The following ZCCHC8 variants were observed in gnomAD, a reference collection of about 807,000 sequenced individuals.
The protein encoded by ZCCHC8 is zinc finger CCHC-type containing 8, also known as zinc finger CCHC domain-containing protein 8.
A neutral mutation model predicts 70.6 loss-of-function variants in ZCCHC8; 27 were observed. The observed-to-expected ratio is 0.38, with a 90% CI of 0.28 to 0.53. The LOEUF (loss-of-function observed/expected upper bound fraction) is 0.53. ZCCHC8 is among the 20% of genes least tolerant of loss of function. The pLI, the probability that ZCCHC8 is intolerant of heterozygous loss-of-function variation, is 0.81. For synonymous variants in ZCCHC8, 293 were observed against 317.4 expected, an observed-to-expected ratio of 0.92 and a Z score of 0.82; for missense variants, 737 against 876.9, an observed-to-expected ratio of 0.84 and a Z score of 2.01.
chr12:122,499,075 G>A, intron 1 of ZCCHC8: 1 of 581,240 alleles, frequency 1.7e-6, no homozygotes, highest in South Asian at 2.1e-5. Context: ...TTATCCTTTC[G>A]AACATATATT....
chr12:122,476,384 G>C (rs908973101), intron 13 of ZCCHC8, among the ~76,000 whole-genome samples: 3 of 151,718 alleles, frequency 2.0e-5, no homozygotes, highest in Non-Finnish European at 4.4e-5. Context: ...CTTAAACTCA[G>C]GAGTTCAATA....
chr12:122,498,274 A>G (rs1222945163), intron 2 of ZCCHC8, among the ~76,000 whole-genome samples: 1 of 149,132 alleles, frequency 6.7e-6, no homozygotes, highest in Admixed American at 6.8e-5. Flanking sequence ...AGCTGGGATT[A>G]CAGGCGCCCA....
chr12:122,500,332 A>C lies in ZCCHC8; in HGVS notation c.199+310T>G, dbSNP rs1409310235. The C allele has an allele frequency of 2.9e-6, 1 of 342,600 alleles. No individual in the cohort carries two copies. The highest frequency in any genetic ancestry group is 2.2e-5 in the African/African-American group (1 of 45,806). 21.2% of individuals were successfully genotyped at this position (342,600 alleles called of 1,614,324 possible). On this transcript the variant is annotated intron_variant, in intron 1 of 13. Transcript: ENST00000633063. This position sits in a 1 kb window ranked among gnomAD's most constrained non-coding sequence, Gnocchi z 4.8. ...GACCTCAAACAGAGGGGGGCAATTA[A>C]GGGCTTGTGTACAATCTGTCAGGTG...
chr12:122,480,293 G>A lies in ZCCHC8; in HGVS notation c.1037C>T (p.Thr346Ile). Reference sequence around the variant, plus strand: ...ATTCTGTTGTATTTCTCCAACTTCTGTTTCCCCATCAGTGCCATCTATTAC... The same window carrying A: ...ATTCTGTTGTATTTCTCCAACTTCTATTTCCCCATCAGTGCCATCTATTAC... ...YDGKDGTDGE[T>I]EVGEIQQNKS... The change falls in exon 11 of 14, where the codon ACA becomes ATA. Residue 346 changes from threonine to isoleucine, a missense_variant. Physicochemically the swap from Thr to Ile is moderately conservative, Grantham distance 89 (BLOSUM62 -1). Transcript: ENST00000633063. The A allele has an allele frequency of 6.2e-7, 1 of 1,610,304 alleles. No homozygotes were observed. Among genetic ancestry groups the A allele is most frequent in the Non-Finnish European group, 8.5e-7 (1 of 1,178,022 alleles).
In ZCCHC8 at chr12:122,489,367, C is replaced by T; in HGVS notation, c.501+19G>A. ...AAACACCTATTGGCTGAATTCAAAA[C>T]TGAAATGTCCAAACTTACACTGAAA... is the stretch of plus-strand genomic sequence containing the variant. On this transcript the variant is annotated intron_variant, in intron 5 of 13. Coordinates refer to ENST00000633063, the MANE Select transcript of ZCCHC8 (RefSeq NM_017612.5). The T allele has an allele frequency of 6.2e-7, 1 of 1,611,602 alleles. No individual in the cohort carries two copies. The highest frequency in any genetic ancestry group is 2.2e-5 in the East Asian group (1 of 44,854).
At position 122,472,060 on chromosome 12, in the gene ZCCHC8, A is replaced by T. The variant is rs565526514; in HGVS notation, c.*1437T>A. 6.6e-6 allele frequency: 1 copy of T among 152,316 alleles called. No homozygotes were observed. The highest frequency in any genetic ancestry group is 1.9e-4 in the East Asian group (1 of 5,192). The allele number at this position is 152,316 out of a possible 1,614,324, so 9.4% of individuals were successfully genotyped here. ...AGAAAATTATTTTTATACAAAGGCT[A>T]GCTGCATGCCATTCATTTTTCAAAA... On this transcript the variant is annotated 3_prime_UTR_variant, in exon 14 of 14. Coordinates refer to ENST00000633063, the MANE Select transcript of ZCCHC8 (RefSeq NM_017612.5).
In ZCCHC8 at chr12:122,478,183, GC is replaced by G. The variant is rs112672020; in HGVS notation, c.1227+22del. On this transcript the variant is annotated intron_variant, in intron 12 of 13. Coordinates refer to ENST00000633063, the MANE Select transcript of ZCCHC8 (RefSeq NM_017612.5). ...CGCAGACACAACAACATTTTATAGA[GC>G]ACACCCTTAAAATCTATTTACCGCT... The G allele has an allele frequency of 4.9e-3, 7,580 of 1,533,576 alleles. 219 individuals carry two copies. In the African/African-American group the frequency reaches 0.076, roughly 15 times the overall value. 95.0% of individuals were successfully genotyped at this position (1,533,576 alleles called of 1,614,324 possible). A position where few individuals can be genotyped will look rare whatever the true frequency, so the allele number is the denominator to read the frequency against.
Position 122,477,859 on chromosome 12 carries a change from C to G in ZCCHC8, c.1327G>C (p.Asp443His). The change falls in exon 13 of 14, where the codon GAC becomes CAC. Residue 443 changes from aspartate to histidine, a missense_variant. Transcript: ENST00000633063. Reference protein sequence around the residue: ...NESNSAGSPADMELDSDMEVP... With the variant: ...NESNSAGSPAHMELDSDMEVP... ...AACCTACCTGAATCGAGCTCCATGT[C>G]GGCGGGAGATCCCGCTGAGTTGCTT... 1 of 1,612,438 alleles carries G rather than the reference C, an allele frequency of 6.2e-7. No homozygotes were observed. Among genetic ancestry groups the G allele is most frequent in the Non-Finnish European group, 8.5e-7 (1 of 1,179,266 alleles).
Position 122,490,442 on chromosome 12 carries a change from G to C in ZCCHC8, c.423+20C>G. 6.3e-7 allele frequency: 1 copy of C among 1,578,910 alleles called. No homozygotes were observed. Among genetic ancestry groups the C allele is most frequent in the Non-Finnish European group, 8.7e-7 (1 of 1,150,974 alleles). ...AAACGCATAACTTACTAATCTTAAAGTCTCTTAAATTTGAAATACCTGGGG... is the reference window on the plus strand; with the variant it reads ...AAACGCATAACTTACTAATCTTAAACTCTCTTAAATTTGAAATACCTGGGG... On this transcript the variant is annotated intron_variant, in intron 4 of 13. Transcript: ENST00000633063.
intron 2 of ZCCHC8, among the ~76,000 whole-genome samples, chr12:122,494,358 C>A (rs1416253103): frequency 6.6e-6 from 1 of 150,954 alleles, no homozygotes; most frequent in African/African-American, 2.4e-5. Context: ...TCGAGACCAG[C>A]CTGGCCAACA....
intron 9 of ZCCHC8, 116 bp downstream of exon 9, chr12:122,481,829 T>A (rs1957541723): frequency 7.2e-7 from 1 of 1,392,408 alleles, no homozygotes; most frequent in Admixed American, 2.7e-5. Flanking sequence ...TAATGTATAT[T>A]ACCTAGGGCT....
Position 122,498,810 on chromosome 12 carries a change from T to C in ZCCHC8, c.242+17A>G. The C allele has an allele frequency of 6.2e-7, 1 of 1,611,746 alleles. No individual in the cohort carries two copies. Among genetic ancestry groups the C allele is most frequent in the Non-Finnish European group, 8.5e-7 (1 of 1,178,238 alleles). ...ATAATAAGGGACAACTATGGAGTAA[T>C]TTCAAAAATCTCATACCTCGGTCGA... is the stretch of plus-strand genomic sequence containing the variant. On this transcript the variant is annotated intron_variant, in intron 2 of 13. Coordinates refer to ENST00000633063, the MANE Select transcript of ZCCHC8 (RefSeq NM_017612.5).
rs754606061 is a variant in ZCCHC8 at position 122,473,886 on chromosome 12, C to G, written c.1735G>C (p.Asp579His). 1 of 1,613,978 alleles carries G rather than the reference C, an allele frequency of 6.2e-7. No individual in the cohort carries two copies. Among genetic ancestry groups the G allele is most frequent in the South Asian group, 1.1e-5 (1 of 91,090 alleles). ...AAAATCTCTGGTACCTCAGGCTCAT[C>G]CAGCGTCTGCTTTTCAGATGTTTTT... The part of the protein sequence containing the change: ...EGKTSEKQTL[D>H]EPEVPEIFTK... The change falls in exon 14 of 14, where the codon GAT (aspartate) becomes CAT (histidine). Residue 579 changes from aspartate to histidine, a missense_variant. Transcript: ENST00000633063.
rs533093994 is a variant in ZCCHC8 at position 122,478,576 on chromosome 12, G to A, written c.1141-284C>T. 1.0e-5 allele frequency: 3 copies of A among 299,760 alleles called. No individual in the cohort carries two copies. The South Asian group carries it at 1.3e-4, about 13-fold the overall frequency. 18.6% of individuals were successfully genotyped at this position (299,760 alleles called of 1,614,324 possible). The stretch of plus-strand genomic sequence containing the variant: ...AGATGTAGGCAGGAGTGACTGCTAT[G>A]GGGCCTCCCAGGCTCCAGTCTCTCT... On this transcript the variant is annotated intron_variant, in intron 11 of 13. Coordinates refer to ENST00000633063, the MANE Select transcript of ZCCHC8 (RefSeq NM_017612.5).
chr12:122,494,739 C>G (rs577568903), intron 2 of ZCCHC8, among the ~76,000 whole-genome samples: 3 of 152,254 alleles, frequency 2.0e-5, no homozygotes, highest in South Asian at 2.1e-4. Context: ...CCTGTAGTCC[C>G]AGCTACTCAG....
At chr12:122,475,514 C>T (rs946691895) in intron 13 of ZCCHC8, among the ~76,000 whole-genome samples, 9 of 152,238 alleles carry the variant, frequency 5.9e-5, no homozygotes, top group Admixed American at 6.5e-5. Flanking sequence ...ACAAATGGCA[C>T]CACCAGTGGA....
At chr12:122,489,158 TACAAAA>T (rs1318939198) in intron 5 of ZCCHC8, among the ~76,000 whole-genome samples, 1 of 152,228 alleles carries the variant, frequency 6.6e-6, no homozygotes, top group African/African-American at 2.4e-5. Flanking sequence ...GGTTGGTCAA[TACAAAA>T]ACAAAGTTCT....
rs777624068 is a variant in ZCCHC8, at chr12:122,481,606, G to A, written c.934C>T (p.Arg312Trp). 3 of 1,613,886 alleles carry A rather than the reference G, an allele frequency of 1.9e-6. No individual in the cohort carries two copies. Among genetic ancestry groups the A allele is most frequent in the Admixed American group, 3.3e-5 (2 of 60,012 alleles). Residue 312 changes from arginine (R) to tryptophan (W), a missense_variant, in exon 10 of 14, where the codon CGG becomes TGG. Arg to Trp is a moderately radical substitution (Grantham distance 101, BLOSUM62 -3). Transcript: ENST00000633063. ...GGTGGGTACCCTAGCTGGCGCATCC[G>A]ATAGATAAAAGGTGGAAGACTCTTG... ...TDKSLPPFIYRMRQLGYPPGW... is the reference protein window; with the variant it reads ...TDKSLPPFIYWMRQLGYPPGW...
intron 11 of ZCCHC8, among the ~76,000 whole-genome samples, chr12:122,479,900 A>T (rs1427841829): frequency 6.6e-6 from 1 of 152,144 alleles, no homozygotes; most frequent in Non-Finnish European, 1.5e-5. Context: ...ATCTCACCTC[A>T]CTGTAACCTC....
Sources: allele counts gnomAD v4.1 joint callset (sites outside exome capture counted in the v4.1 genomes callset), GRCh38; gene constraint gnomAD v4.1.1; non-coding constraint Gnocchi (gnomAD v3.1); transcripts MANE v1.5; gene names NCBI Gene and HGNC (gene_info 2026-07-23, HGNC 2026-07-21).